Variants in CHAF1B observed in about 807,000 individuals in gnomAD.
CHAF1B encodes CAF-1 subunit B.
In CHAF1B, 10 loss-of-function variants were observed where a neutral mutation model predicts 60.7. The observed-to-expected ratio is 0.16, with a 90% CI of 0.10 to 0.28. The LOEUF (loss-of-function observed/expected upper bound fraction) is 0.28, where lower values mean the gene tolerates loss of function less well. Among genes scored for constraint, CHAF1B ranks in the 10% least tolerant of loss-of-function variants. The pLI is 1.00. For missense variants in CHAF1B, 558 were observed against 708.4 expected (o/e 0.79, Z 2.41); for synonymous variants, 261 against 266.1 (o/e 0.98, Z 0.19).
chr21:36,416,833 G>A lies in CHAF1B; in HGVS notation c.*467G>A, dbSNP rs2086323688. ...TGATTAAACTTTGGAAGGTAGTTGT[G>A]TTTGTTTTCTGATTTTAAAGGTGAC... On this transcript the variant is annotated 3_prime_UTR_variant, in exon 14 of 14. Coordinates refer to ENST00000314103, the MANE Select transcript of CHAF1B (RefSeq NM_005441.3). 1 of 152,422 alleles carries A rather than the reference G, an allele frequency of 6.6e-6. No individual in the cohort carries two copies. Among genetic ancestry groups the A allele is most frequent in the Non-Finnish European group, 1.5e-5 (1 of 68,240 alleles). The allele number at this position is 152,422 out of a possible 1,614,324, so 9.4% of individuals were successfully genotyped here. A position where few individuals can be genotyped will look rare whatever the true frequency, so the allele number is the denominator to read the frequency against.
chr21:36,397,181 T>A (rs2086147036), intron 5 of CHAF1B, among the ~76,000 whole-genome samples: 1 of 152,188 alleles, frequency 6.6e-6, no homozygotes, highest in Non-Finnish European at 1.5e-5. Context: ...TGTGTGATCC[T>A]TGCTTGTTGA....
At position 36,397,479 on chromosome 21, in the gene CHAF1B, G is replaced by A; in HGVS notation, c.546G>A (p.Leu182=). 6.4e-7 allele frequency: 1 copy of A among 1,563,198 alleles called. No homozygotes were observed. The highest frequency in any genetic ancestry group is 8.7e-7 in the Non-Finnish European group (1 of 1,145,106). Residue 182 remains leucine (L), a synonymous_variant, in exon 6 of 14, where the codon TTG becomes TTA. Transcript: ENST00000314103. Reference sequence around the variant, plus strand: ...TCCAAGGAGTAACCTGGGACCCTTTGGGTCAATATGTTGCTACTCTGAGCT... The same window carrying A: ...TCCAAGGAGTAACCTGGGACCCTTTAGGTCAATATGTTGCTACTCTGAGCT... ...SYVQGVTWDP[L]GQYVATLSCD... is the part of the protein sequence containing the mutation.
rs748914337 is a variant in CHAF1B, at chr21:36,413,038, C to T, written c.1216C>T (p.His406Tyr). 2.2e-5 allele frequency: 36 copies of T among 1,614,080 alleles called. No homozygotes were observed. Among genetic ancestry groups the T allele is most frequent in the Admixed American group, 3.3e-5 (2 of 60,002 alleles). Reference protein sequence around the residue: ...DTAKKTKSQTHRGSSPGPRPV... With the variant: ...DTAKKTKSQTYRGSSPGPRPV... ...AGCAAAGAAAACCAAGAGTCAGACA[C>T]ATCGAGGGTCTTCGCCAGGACCCAG... The change falls in exon 12 of 14, where the codon CAT becomes TAT. Residue 406 changes from histidine (H) to tyrosine (Y), a missense_variant. By Grantham distance (83) the His-to-Tyr change is moderately conservative. Around this residue, in one of 2 missense-constraint regions of CHAF1B, gnomAD observed 233 missense variants for 214.9 expected, o/e 1.08. Coordinates refer to ENST00000314103, the MANE Select transcript of CHAF1B (RefSeq NM_005441.3).
At chr21:36,411,394 G>T in intron 10 of CHAF1B, 69 bp from the exon 11 acceptor site, 7 of 1,586,990 alleles carry the variant, frequency 4.4e-6, no homozygotes, top group Non-Finnish European at 6.0e-6. Flanking sequence ...GATTCTAGGC[G>T]TGAGCCATTG....
chr21:36,401,429 A>T (rs866313747), intron 7 of CHAF1B, among the ~76,000 whole-genome samples: 3 of 90,156 alleles, frequency 3.3e-5, no homozygotes, highest in African/African-American at 4.6e-5. Flanking sequence ...CATAATATAT[A>T]TTTTTATATT....
chr21:36,385,594 C>A (rs965815573), intron 1 of CHAF1B, 143 bp downstream of exon 1: 1 of 151,858 alleles, frequency 6.6e-6, no homozygotes, highest in African/African-American at 2.4e-5. Context: ...CCGTCCACCC[C>A]CGGCCCCGCG....
At chr21:36,395,509 T>A (rs2086130642) in intron 5 of CHAF1B, among the ~76,000 whole-genome samples, 1 of 152,154 alleles carries the variant, frequency 6.6e-6, no homozygotes, top group Admixed American at 6.6e-5. Flanking sequence ...GCCAGGCAAA[T>A]CCCACATGGT....
intron 11 of CHAF1B, 76 bp from the exon 12 acceptor site, chr21:36,412,808 G>C (rs2086287927): frequency 2.8e-6 from 4 of 1,406,534 alleles, no homozygotes; most frequent in Non-Finnish European, 3.9e-6. Context: ...TTGTGATTTT[G>C]CTCGAACTTC....
Position 36,418,134 on chromosome 21 carries a change from C to T in CHAF1B, c.*1768C>T, listed in dbSNP as rs2086332260. On this transcript the variant is annotated 3_prime_UTR_variant, in exon 14 of 14. Coordinates refer to ENST00000314103, the MANE Select transcript of CHAF1B (RefSeq NM_005441.3). ...GTTCAAGGGATTCTCCTGCCTCAGC[C>T]TCTCCAGTAGCTGGGATTACAGGCA... The T allele has an allele frequency of 6.6e-6, 1 of 152,068 alleles. No individual in the cohort carries two copies. The highest frequency in any genetic ancestry group is 2.4e-5 in the African/African-American group (1 of 41,392). The allele number at this position is 152,068 out of a possible 1,614,324, so 9.4% of individuals were successfully genotyped here. A position where few individuals can be genotyped will look rare whatever the true frequency, so the allele number is the denominator to read the frequency against.
chr21:36,414,814 T>C (rs2086305086), intron 12 of CHAF1B, among the ~76,000 whole-genome samples: 1 of 152,168 alleles, frequency 6.6e-6, no homozygotes, highest in South Asian at 2.1e-4. Flanking sequence ...GGTTTTGCCA[T>C]GTTGGTCAAG....
At chr21:36,402,889 C>CAA (rs1338018430) in intron 8 of CHAF1B, 38 bp downstream of exon 8, 1 of 1,508,322 alleles carries the variant, frequency 6.6e-7, no homozygotes, top group Non-Finnish European at 9.2e-7. Flanking sequence ...GAATGATGGC[C>CAA]GAGTGGGGAT....
intron 8 of CHAF1B, among the ~76,000 whole-genome samples, chr21:36,405,754 G>T (rs1015425008): frequency 6.6e-6 from 1 of 152,018 alleles, no homozygotes; most frequent in Admixed American, 6.6e-5. Context: ...ATGAGAAAGG[G>T]GCAGGACCTT....
At chr21:36,413,336 G>A in intron 12 of CHAF1B, 21 bp downstream of exon 12, 1 of 1,530,600 alleles carries the variant, frequency 6.5e-7, no homozygotes, top group Non-Finnish European at 8.7e-7. Flanking sequence ...GTTGGAACAA[G>A]ATGTCATTGC....
chr21:36,394,663 T>G lies in CHAF1B; in HGVS notation c.481+13T>G, dbSNP rs2086122781. 1 of 1,539,084 alleles carries G rather than the reference T, an allele frequency of 6.5e-7. No individual in the cohort carries two copies. The highest frequency in any genetic ancestry group is 2.3e-5 in the East Asian group (1 of 44,292). On this transcript the variant is annotated intron_variant, in intron 5 of 13. Coordinates refer to ENST00000314103, the MANE Select transcript of CHAF1B (RefSeq NM_005441.3). ...GATGTCAGCAAAGGTAAATGATATA[T>G]TTTTGTTATTAGCAGGAAGAAATAT...
chr21:36,400,721 C>T (rs1170202738), intron 7 of CHAF1B, among the ~76,000 whole-genome samples: 1 of 152,112 alleles, frequency 6.6e-6, no homozygotes, highest in Non-Finnish European at 1.5e-5. Context: ...GTTTTGCTAG[C>T]AGACAGCAGA....
intron 1 of CHAF1B, among the ~76,000 whole-genome samples, chr21:36,385,838 T>C (rs1279304991): frequency 6.6e-6 from 1 of 152,158 alleles, no homozygotes; most frequent in Non-Finnish European, 1.5e-5. Context: ...AGCCTTTACC[T>C]GGGTGTTTCG....
Position 36,418,059 on chromosome 21 carries a change from G to C in CHAF1B, c.*1693G>C, listed in dbSNP as rs1489565176. 6.6e-6 allele frequency: 1 copy of C among 151,332 alleles called. No homozygotes were observed. The highest frequency in any genetic ancestry group is 2.4e-5 in the African/African-American group (1 of 41,088). 9.4% of individuals were successfully genotyped at this position (151,332 alleles called of 1,614,324 possible). The stretch of plus-strand genomic sequence containing the variant: ...AGACAGAGTCTCGCTCTGTCACCCA[G>C]GCTGGAGTGCAGTGGCGCAATCTCC... On this transcript the variant is annotated 3_prime_UTR_variant, in exon 14 of 14. Transcript: ENST00000314103.
rs376058259 is a variant in CHAF1B at position 36,386,181 on chromosome 21, C to T, written c.45C>T (p.Pro15=). ...TCEIAWHNKE[P]VYSLDFQHGT... Reference sequence around the variant, plus strand: ...AAATAGCCTGGCACAACAAGGAGCCCGTGTACAGCCTGGACTTCCAGCATG... The same window carrying T: ...AAATAGCCTGGCACAACAAGGAGCCTGTGTACAGCCTGGACTTCCAGCATG... The change falls in exon 2 of 14, where the codon CCC becomes CCT. Residue 15 remains proline (P), a synonymous_variant. Transcript: ENST00000314103. 6.2e-7 allele frequency: 1 copy of T among 1,614,170 alleles called. No individual in the cohort carries two copies. Among genetic ancestry groups the T allele is most frequent in the Non-Finnish European group, 8.5e-7 (1 of 1,180,024 alleles).
intron 9 of CHAF1B, 84 bp from the exon 10 acceptor site, chr21:36,409,290 C>T (rs1220167474): frequency 1.9e-5 from 20 of 1,056,550 alleles, no homozygotes; most frequent in East Asian, 1.2e-4. Context: ...TGTGAGCCAC[C>T]GCGCCCTGCC....
Sources: allele counts gnomAD v4.1 joint callset (sites outside exome capture counted in the v4.1 genomes callset), GRCh38; gene constraint gnomAD v4.1.1; regional missense constraint gnomAD v4.1.1; transcripts MANE v1.5; gene names NCBI Gene and HGNC (gene_info 2026-07-23, HGNC 2026-07-21).